The following CDK14 variants were observed in gnomAD, a reference collection of about 807,000 sequenced individuals.
CDK14 encodes cyclin-dependent kinase 14.
In CDK14, 34 loss-of-function variants were observed where a neutral mutation model predicts 60.7. That is an observed-to-expected ratio of 0.56 (90% CI 0.43 to 0.75). CDK14 has a LOEUF of 0.75. Ranked by LOEUF, CDK14 falls within the 30% of genes least tolerant of loss-of-function variation. CDK14 has a pLI of 0.00. For missense variants in CDK14, 482 were observed against 564.1 expected (o/e 0.85, Z 1.47); for synonymous variants, 197 against 203.7 (o/e 0.97, Z 0.28).
chr7:91,103,824 CCGAG>C, intron 12 of CDK14, among the ~76,000 whole-genome samples: 1 of 142,716 alleles, frequency 7.0e-6, no homozygotes, highest in African/African-American at 2.7e-5. Context: ...TGCAAGGAGA[CCGAG>C]AGAGAGAGAG....
chr7:90,658,123 A>G (rs1407638769), intron 2 of CDK14, among the ~76,000 whole-genome samples: 2 of 152,198 alleles, frequency 1.3e-5, no homozygotes, highest in Admixed American at 6.6e-5. Flanking sequence ...AACCCCTGGC[A>G]ACCACTTACC....
intron 12 of CDK14, among the ~76,000 whole-genome samples, chr7:91,085,866 C>A (rs910858187): frequency 5.3e-5 from 8 of 152,236 alleles, no homozygotes; most frequent in Admixed American, 2.0e-4. Context: ...CCGCTGGCCT[C>A]TGAGGTAACT....
Position 90,596,610 on chromosome 7 carries a change from G to A in CDK14, c.-18G>A. The A allele has an allele frequency of 6.2e-7, 1 of 1,609,856 alleles. No homozygotes were observed. The highest frequency in any genetic ancestry group is 2.2e-5 in the East Asian group (1 of 44,790). On this transcript the variant is annotated 5_prime_UTR_variant, in exon 1 of 15. Transcript: ENST00000380050. ...CTGGACCAGTTTGGGGAAGTTGTCG[G>A]GGCTCCGCGTCGCCCAGATGTGTGA...
intron 1 of CDK14, among the ~76,000 whole-genome samples, chr7:90,599,372 G>T (rs143042434): frequency 1.3e-5 from 2 of 152,364 alleles, no homozygotes; most frequent in Non-Finnish European, 2.9e-5. Context: ...AGTGTAGCCA[G>T]CCTTAAAACG....
intron 4 of CDK14, among the ~76,000 whole-genome samples, chr7:90,750,125 G>A (rs1279950503): frequency 3.5e-5 from 5 of 141,224 alleles, no homozygotes; most frequent in Admixed American, 2.2e-4. Flanking sequence ...CAACACAGAG[G>A]GAGTGGGGAG....
At chr7:90,854,992 C>T (rs1272292454) in intron 5 of CDK14, among the ~76,000 whole-genome samples, 1 of 152,138 alleles carries the variant, frequency 6.6e-6, no homozygotes, top group African/African-American at 2.4e-5. Flanking sequence ...TTATGTAGTA[C>T]CTGCATTTGT....
At chr7:90,608,343 C>T (rs920010541) in intron 2 of CDK14, among the ~76,000 whole-genome samples, 1 of 151,980 alleles carries the variant, frequency 6.6e-6, no homozygotes, top group South Asian at 2.1e-4. Context: ...AGATAATGTC[C>T]ACCAATGTAA....
chr7:91,147,141 G>GTCTGTCTCTCTC (rs1554440019), intron 14 of CDK14, among the ~76,000 whole-genome samples: 1 of 79,134 alleles, frequency 1.3e-5, no homozygotes, highest in Non-Finnish European at 2.8e-5. Context: ...ACCTCTCTCT[G>GTCTGTCTCTCTC]TCTCTCTCTC....
chr7:90,971,760 T>A (rs1794941428), intron 9 of CDK14, among the ~76,000 whole-genome samples: 2 of 151,048 alleles, frequency 1.3e-5, no homozygotes, highest in Non-Finnish European at 2.9e-5. Context: ...CATTAAAAAA[T>A]AATAATAAAT....
At chr7:90,835,038 G>C (rs1201455376) in intron 5 of CDK14, among the ~76,000 whole-genome samples, 1 of 152,156 alleles carries the variant, frequency 6.6e-6, no homozygotes, top group African/African-American at 2.4e-5. Flanking sequence ...TTAGATGTTA[G>C]GAGGATGAGG....
Position 90,989,007 on chromosome 7 carries a change from T to A in CDK14, c.1041+4766T>A, listed in dbSNP as rs866484760. On this transcript the variant is annotated intron_variant, in intron 10 of 14. Coordinates refer to ENST00000380050, the MANE Select transcript of CDK14 (RefSeq NM_001287135.2). Reference sequence around the variant, plus strand: ...TTGAGTGTGTTTGTGTGTGAGTGTGTGTGTGTGTGTGTGTGTGTGTAATGA... The same window carrying A: ...TTGAGTGTGTTTGTGTGTGAGTGTGAGTGTGTGTGTGTGTGTGTGTAATGA... Among the ~76,000 whole-genome samples, 805 of 151,580 alleles carry A rather than the reference T, an allele frequency of 5.3e-3. 8 individuals are homozygous for A. Among genetic ancestry groups the A allele is most frequent in the African/African-American group, 0.018 (759 of 41,330 alleles).
At chr7:90,778,898 T>TCCTTC (rs77350633) in intron 4 of CDK14, among the ~76,000 whole-genome samples, 12,936 of 125,056 alleles carry the variant, frequency 0.1, 848 homozygotes, top group East Asian at 0.18. Context: ...CTTCCTTCCT[T>TCCTTC]CTTTTCTCTC....
intron 10 of CDK14, among the ~76,000 whole-genome samples, chr7:90,989,449 A>G (rs761808163): frequency 1.3e-5 from 2 of 151,826 alleles, no homozygotes; most frequent in Non-Finnish European, 2.9e-5. Context: ...GACATAAAAG[A>G]ATTATGTGTC....
chr7:90,649,233 A>G (rs1800534483), intron 2 of CDK14, among the ~76,000 whole-genome samples: 3 of 122,284 alleles, frequency 2.5e-5, no homozygotes, highest in Non-Finnish European at 5.1e-5. Context: ...GCTCTAGCCT[A>G]TAGTTTCTTT....
chr7:90,798,457 C>A (rs1788519728), intron 5 of CDK14, among the ~76,000 whole-genome samples: 1 of 152,084 alleles, frequency 6.6e-6, no homozygotes, highest in East Asian at 1.9e-4. Context: ...GGGATATGTT[C>A]AATTTTACAT....
intron 4 of CDK14, among the ~76,000 whole-genome samples, chr7:90,779,863 C>T (rs924495253): frequency 3.3e-5 from 5 of 152,080 alleles, no homozygotes; most frequent in Non-Finnish European, 5.9e-5. Context: ...TATTAAAATA[C>T]ACTTTGTTTG....
intron 8 of CDK14, among the ~76,000 whole-genome samples, chr7:90,953,260 A>T (rs1029285911): frequency 6.6e-6 from 1 of 152,232 alleles, no homozygotes; most frequent in African/African-American, 2.4e-5. Context: ...TATCTTAAAA[A>T]TATAATAACA....
intron 2 of CDK14, among the ~76,000 whole-genome samples, chr7:90,647,276 A>G (rs1027310932): frequency 1.3e-5 from 2 of 152,124 alleles, no homozygotes; most frequent in Non-Finnish European, 2.9e-5. Context: ...CCACCTTCCA[A>G]TTGGTATAAA....
chr7:91,121,709 A>G (rs144466104), intron 14 of CDK14, among the ~76,000 whole-genome samples: 1 of 152,210 alleles, frequency 6.6e-6, no homozygotes, highest in African/African-American at 2.4e-5. Context: ...TGGATTATCA[A>G]AATACTGTGC....
Sources: gnomAD v4.1 joint callset for allele counts (sites outside exome capture counted in the v4.1 genomes callset) on GRCh38, gnomAD v4.1.1 for gene constraint, MANE v1.5 for transcripts, NCBI Gene and HGNC (gene_info 2026-07-23, HGNC 2026-07-21) for gene names.